CEP78: variants seen among roughly 807,000 people sequenced by gnomAD.
The protein encoded by CEP78 is centrosomal protein 78.
Under a neutral mutation model 81.2 loss-of-function variants are expected in CEP78, and 76 were observed. The observed-to-expected ratio is 0.94, with a 90% CI of 0.78 to 1.13. The LOEUF (loss-of-function observed/expected upper bound fraction) is 1.13. CEP78 is among the 50% of genes most tolerant of loss of function. The probability of loss-of-function intolerance (pLI) is 0.00; values close to 1 mark genes in which losing one functional copy is unlikely to be tolerated. For missense variants in CEP78, 918 were observed against 846.8 expected (o/e 1.08, Z -1.04); for synonymous variants, 293 against 301.4 (o/e 0.97, Z 0.29).
At position 78,271,000 on chromosome 9, in the gene CEP78, G is replaced by A; in HGVS notation, c.*149G>A. 6.0e-6 allele frequency: 3 copies of A among 497,422 alleles called. No individual in the cohort carries two copies. In the South Asian group the frequency reaches 9.8e-5, roughly 16 times the overall value. The allele number at this position is 497,422 out of a possible 1,614,324, so 30.8% of individuals were successfully genotyped here. ...AGCTAAGCCATTCCACTCATCTTTG[G>A]AGCATCTGATTCTGGAGTTTGCCAC... is the stretch of plus-strand genomic sequence containing the variant. On this transcript the variant is annotated 3_prime_UTR_variant, in exon 17 of 17. Coordinates refer to ENST00000643273, the MANE Select transcript of CEP78 (RefSeq NM_001330691.3).
In CEP78 at chr9:78,236,134, G is replaced by A. The variant is rs146974024; in HGVS notation, c.-217G>A. The A allele has an allele frequency of 3.1e-5, 17 of 549,562 alleles. 1 individual carries two copies. The highest frequency in any genetic ancestry group is 6.1e-5 in the African/African-American group (3 of 49,208). The allele number at this position is 549,562 out of a possible 1,614,324, so 34.0% of individuals were successfully genotyped here. ...CGGGCGCCAACTGCTTGGGCCGCAG[G>A]GCGGGAGGCAGCGCGGGAGTGGGGC... On this transcript the variant is annotated 5_prime_UTR_variant, in exon 1 of 17. Transcript: ENST00000643273.
chr9:78,245,196 A>G (rs1563981147), intron 5 of CEP78, among the ~76,000 whole-genome samples: 1 of 151,608 alleles, frequency 6.6e-6, no homozygotes. Context: ...TATATATAGT[A>G]TATATTATAT....
At chr9:78,258,662 T>C (rs1827144512) in intron 11 of CEP78, among the ~76,000 whole-genome samples, 3 of 152,178 alleles carry the variant, frequency 2.0e-5, no homozygotes, top group Admixed American at 2.0e-4. Context: ...AGTTACCTAA[T>C]ACGTTATTTA....
At chr9:78,245,960 T>A (rs1563981668) in intron 5 of CEP78, among the ~76,000 whole-genome samples, 1 of 152,220 alleles carries the variant, frequency 6.6e-6, no homozygotes, top group Non-Finnish European at 1.5e-5. Context: ...GAATTTGAAT[T>A]TGATGATGAA....
chr9:78,271,702 TG>T lies in CEP78; in HGVS notation c.*854del, dbSNP rs1827691529. On this transcript the variant is annotated 3_prime_UTR_variant, in exon 17 of 17. Transcript: ENST00000643273. ...CCCATTAACGTGTGGTTTTGTTTTT[TG>T]GGTTTTTTTTTTTTGAGTCAAGGTC... 1 of 151,552 alleles carries T rather than the reference TG, an allele frequency of 6.6e-6. No individual in the cohort carries two copies. Among genetic ancestry groups the T allele is most frequent in the Non-Finnish European group, 1.5e-5 (1 of 67,906 alleles). 9.4% of individuals were successfully genotyped at this position (151,552 alleles called of 1,614,324 possible). A position where few individuals can be genotyped will look rare whatever the true frequency, so the allele number is the denominator to read the frequency against.
chr9:78,258,729 A>T (rs949415163), intron 11 of CEP78, among the ~76,000 whole-genome samples: 3 of 152,244 alleles, frequency 2.0e-5, no homozygotes, highest in African/African-American at 7.2e-5. Context: ...ACACAAAAAA[A>T]TCCAAGTAGC....
chr9:78,265,716 A>G, intron 14 of CEP78, 143 bp from the exon 15 acceptor site: 1 of 744,844 alleles, frequency 1.3e-6, no homozygotes, highest in Non-Finnish European at 2.2e-6. Flanking sequence ...CTTATATTGT[A>G]TTGTTGTAAA....
Position 78,256,524 on chromosome 9 carries a change from A to ATT in CEP78, c.1380+1585_1380+1586dup, listed in dbSNP as rs35059009. 1.7e-3 allele frequency among the ~76,000 whole-genome samples: 133 copies of ATT among 76,670 alleles called. 9 individuals are homozygous for ATT. Among genetic ancestry groups the ATT allele is most frequent in the African/African-American group, 5.1e-3 (95 of 18,690 alleles). 50.3% of individuals were successfully genotyped at this position (76,670 alleles called of 152,430 possible). On this transcript the variant is annotated intron_variant, in intron 11 of 16. Transcript: ENST00000643273. ...GCTCCCAGTGATCCTCTGCTCCCTTATTTTTTTTTTTTTTTTTTTTTTTTT... is the reference window on the plus strand; with the variant it reads ...GCTCCCAGTGATCCTCTGCTCCCTTATTTTTTTTTTTTTTTTTTTTTTTTTTT...
At chr9:78,255,085 A>G (rs180692717) in intron 11 of CEP78, 121 bp downstream of exon 11, 3 of 680,638 alleles carry the variant, frequency 4.4e-6, no homozygotes, top group Non-Finnish European at 7.1e-6. Flanking sequence ...CCTTCCTTCT[A>G]TCTCATATCC....
Position 78,240,064 on chromosome 9 carries a change from A to G in CEP78, c.295A>G (p.Ile99Val), listed in dbSNP as rs574396568. ...ATTTTGCAGAAGTCGTGTTCCTGCGATAAGATACAAAGATGTGACCTTCCA... is the reference window on the plus strand; with the variant it reads ...ATTTTGCAGAAGTCGTGTTCCTGCGGTAAGATACAAAGATGTGACCTTCCA... Reference protein sequence around the residue: ...NKFCRSRVPAIRYKDVTFQLC... With the variant: ...NKFCRSRVPAVRYKDVTFQLC... Residue 99 changes from isoleucine (I) to valine (V), a missense_variant, in exon 2 of 17, where the codon ATA (isoleucine) becomes GTA (valine). Transcript: ENST00000643273. 16 of 1,584,094 alleles carry G rather than the reference A, an allele frequency of 1.0e-5. No homozygotes were observed. The highest frequency in any genetic ancestry group is 2.4e-5 in the South Asian group (2 of 84,574).
At chr9:78,268,685 T>C (rs11137581) in intron 16 of CEP78, among the ~76,000 whole-genome samples, 45,653 of 145,838 alleles carry the variant, frequency 0.31, 7,522 homozygotes, top group Middle Eastern at 0.42. Flanking sequence ...CTTTTCTTTT[T>C]TTTTTTTTTT....
At chr9:78,268,059 G>T (rs931417924) in intron 16 of CEP78, among the ~76,000 whole-genome samples, 8 of 152,092 alleles carry the variant, frequency 5.3e-5, no homozygotes, top group African/African-American at 1.2e-4. Flanking sequence ...AGCAGATGTC[G>T]TAATACCGTA....
In CEP78 at chr9:78,236,459, T is replaced by G. The variant is rs1221284717; in HGVS notation, c.109T>G (p.Cys37Gly). The change falls in exon 1 of 17, where the codon TGT becomes GGT. Residue 37 changes from cysteine (C) to glycine (G), a missense_variant. Physicochemically the swap from Cys to Gly is radical, Grantham distance 159. Coordinates refer to ENST00000643273, the MANE Select transcript of CEP78 (RefSeq NM_001330691.3). ...NSVPLPAVRA[C>G]LREGVLDFNA... is the part of the protein sequence containing the mutation. ...GGTGCCGCTGCCCGCCGTGCGCGCC[T>G]GTCTCCGGGAGGGCGTGCTGGATTT... 1.9e-6 allele frequency: 3 copies of G among 1,605,842 alleles called. No homozygotes were observed. The highest frequency in any genetic ancestry group is 1.7e-6 in the Non-Finnish European group (2 of 1,176,408).
Position 78,266,470 on chromosome 9 carries a change from T to A in CEP78, c.1874T>A (p.Ile625Asn). Residue 625 changes from isoleucine (I) to asparagine (N), a missense_variant, in exon 16 of 17, where the codon ATT (isoleucine) becomes AAT (asparagine). Transcript: ENST00000643273. ...CAGAAAATTACAGGTGATGCTAGAA[T>A]TCCTTTGCCTCTCGACTCCTTTCCT... ...KFQKITGDAR[I>N]PLPLDSFPVP... 2 of 1,607,032 alleles carry A rather than the reference T, an allele frequency of 1.2e-6. No homozygotes were observed. The highest frequency in any genetic ancestry group is 3.3e-4 in the Middle Eastern group (2 of 6,034).
At chr9:78,270,226 C>T (rs1827660751) in intron 16 of CEP78, among the ~76,000 whole-genome samples, 1 of 152,058 alleles carries the variant, frequency 6.6e-6, no homozygotes, top group Non-Finnish European at 1.5e-5. Flanking sequence ...TGGATTTTTA[C>T]AAGACCTACA....
At chr9:78,254,256 C>A (rs1395852862) in intron 10 of CEP78, among the ~76,000 whole-genome samples, 2 of 151,918 alleles carry the variant, frequency 1.3e-5, no homozygotes, top group Admixed American at 1.3e-4. Context: ...TTTGTAGAGA[C>A]AGGGTCTTGC....
intron 5 of CEP78, among the ~76,000 whole-genome samples, chr9:78,243,923 T>C (rs1002254208): frequency 2.0e-5 from 3 of 152,048 alleles, no homozygotes; most frequent in Admixed American, 6.6e-5. Flanking sequence ...ATTTGTGTGC[T>C]TAGAGTTACA....
rs140214369 is a variant in CEP78, at chr9:78,277,659, T to G, written c.*6808T>G. 191 of 152,300 alleles carry G rather than the reference T, an allele frequency of 1.3e-3. No individual in the cohort carries two copies. The highest frequency in any genetic ancestry group is 4.1e-3 in the African/African-American group (171 of 41,570). 9.4% of individuals were successfully genotyped at this position (152,300 alleles called of 1,614,324 possible). A position where few individuals can be genotyped will look rare whatever the true frequency, so the allele number is the denominator to read the frequency against. On this transcript the variant is annotated 3_prime_UTR_variant, in exon 17 of 17. Transcript: ENST00000643273. The stretch of plus-strand genomic sequence containing the variant: ...ATTGATACAGCTTTTGGATGGACAG[T>G]TTGACAGTGTGTATCAACATGTGAA...
intron 3 of CEP78, among the ~76,000 whole-genome samples, chr9:78,240,842 A>G (rs1826193104): frequency 6.6e-6 from 1 of 152,046 alleles, no homozygotes; most frequent in Non-Finnish European, 1.5e-5. Flanking sequence ...GGGTGCCTAT[A>G]GTCCCAGCCA....
Sources: allele counts gnomAD v4.1 joint callset (sites outside exome capture counted in the v4.1 genomes callset), GRCh38; gene constraint gnomAD v4.1.1; transcripts MANE v1.5; gene names NCBI Gene and HGNC (gene_info 2026-07-23, HGNC 2026-07-21).